Variants in RANBP9 observed in about 807,000 individuals in gnomAD.
RANBP9 encodes the protein ran-binding protein 9.
RANBP9 carries 15 observed loss-of-function variants against 84.3 expected under a neutral mutation model. The observed-to-expected ratio is 0.18, with a 90% CI of 0.12 to 0.27. The LOEUF (loss-of-function observed/expected upper bound fraction) is 0.27, where lower values mean the gene tolerates loss of function less well. RANBP9 is among the 10% of genes least tolerant of loss of function. The probability of loss-of-function intolerance (pLI) is 1.00; values close to 1 mark genes in which losing one functional copy is unlikely to be tolerated. For synonymous variants in RANBP9, 392 were observed against 349.6 expected (o/e 1.12, Z -1.35); for missense variants, 809 against 912.8 (o/e 0.89, Z 1.46).
intron 13 of RANBP9, 93 bp downstream of exon 13, chr6:13,625,560 T>C (rs1764578799): frequency 2.7e-6 from 2 of 748,682 alleles, no homozygotes; most frequent in African/African-American, 1.7e-5. Flanking sequence ...ATTTTCCTGA[T>C]GATTTTACCA....
At chr6:13,669,187 G>T (rs1452002481) in intron 2 of RANBP9, among the ~76,000 whole-genome samples, 1 of 151,926 alleles carries the variant, frequency 6.6e-6, no homozygotes, top group Admixed American at 6.6e-5. Context: ...TGTGAAATCT[G>T]AACACTAAAA....
chr6:13,630,146 G>A (rs11965022), intron 12 of RANBP9, among the ~76,000 whole-genome samples: 3,955 of 152,176 alleles, frequency 0.026, 153 homozygotes, highest in African/African-American at 0.088. Context: ...TGGGTCAGTT[G>A]CTCACCTTAT....
At chr6:13,668,211 T>C (rs1182462349) in intron 2 of RANBP9, among the ~76,000 whole-genome samples, 1 of 152,124 alleles carries the variant, frequency 6.6e-6, no homozygotes, top group Non-Finnish European at 1.5e-5. Flanking sequence ...GACAAATTCC[T>C]AGAAAGACAC....
chr6:13,707,542 T>A (rs1276184335), intron 1 of RANBP9, among the ~76,000 whole-genome samples: 1 of 152,228 alleles, frequency 6.6e-6, no homozygotes, highest in Non-Finnish European at 1.5e-5. Flanking sequence ...AAGTCTCATA[T>A]GAACTTAAAG....
intron 4 of RANBP9, among the ~76,000 whole-genome samples, chr6:13,655,106 T>TG (rs1765370185): frequency 6.6e-6 from 1 of 152,274 alleles, no homozygotes; most frequent in South Asian, 2.1e-4. Flanking sequence ...ACCACTGTTA[T>TG]ACCATCTCTC....
chr6:13,695,430 A>C (rs1015525317), intron 2 of RANBP9, among the ~76,000 whole-genome samples: 6 of 147,034 alleles, frequency 4.1e-5, no homozygotes, highest in African/African-American at 1.5e-4. Flanking sequence ...TTTTTTCAGA[A>C]AAAGATTTTA....
intron 5 of RANBP9, among the ~76,000 whole-genome samples, chr6:13,649,547 A>G (rs1765248454): frequency 6.6e-6 from 1 of 151,904 alleles, no homozygotes; most frequent in Non-Finnish European, 1.5e-5. Context: ...CTTAACTGTT[A>G]AAGACCAAAT....
chr6:13,684,409 G>A (rs1554226324), intron 2 of RANBP9, among the ~76,000 whole-genome samples: 1 of 152,072 alleles, frequency 6.6e-6, no homozygotes, highest in African/African-American at 2.4e-5. Context: ...TCCCTACCCA[G>A]CCTGAACTAA....
At chr6:13,637,682 G>T in intron 10 of RANBP9, 126 bp downstream of exon 10, 1 of 930,376 alleles carries the variant, frequency 1.1e-6, no homozygotes, top group Non-Finnish European at 1.5e-6. Flanking sequence ...TTTATTCTCT[G>T]GGGGCTTAAG....
intron 5 of RANBP9, among the ~76,000 whole-genome samples, chr6:13,651,774 C>T (rs4715455): frequency 0.39 from 59,030 of 151,834 alleles, 11,827 homozygotes; most frequent in Admixed American, 0.5. Context: ...TAAAAGTCCA[C>T]AATGTCTTTG....
chr6:13,634,305 T>C, intron 11 of RANBP9, 126 bp downstream of exon 11: 1 of 1,189,292 alleles, frequency 8.4e-7, no homozygotes. Flanking sequence ...TGCATTACTG[T>C]CAAGTCCTAC....
chr6:13,711,795 C>G lies in RANBP9; in HGVS notation c.-290G>C, dbSNP rs1301791380. 6.9e-6 allele frequency among the ~76,000 whole-genome samples: 1 copy of G among 145,830 alleles called. No homozygotes were observed. The highest frequency in any genetic ancestry group is 6.8e-5 in the Admixed American group (1 of 14,758). ...GACGCGGGAGCGCGGGAGGGGAAGG[C>G]GCGCTGGCGGCCGCCGCGGCCGCTG... On this transcript the variant is annotated 5_prime_UTR_variant, in exon 1 of 14. Coordinates refer to ENST00000011619, the MANE Select transcript of RANBP9 (RefSeq NM_005493.3).
Position 13,711,557 on chromosome 6 carries a change from T to C in RANBP9, c.-52A>G, listed in dbSNP as rs1758289141. ...CCTCCACCTCTTCTCTCCTTCCTCC[T>C]CTGCTTCCCGGGGGCGCTGTCGCTG... On this transcript the variant is annotated 5_prime_UTR_variant, in exon 1 of 14. Coordinates refer to ENST00000011619, the MANE Select transcript of RANBP9 (RefSeq NM_005493.3). 1 of 1,231,158 alleles carries C rather than the reference T, an allele frequency of 8.1e-7. No homozygotes were observed. Among genetic ancestry groups the C allele is most frequent in the African/African-American group, 1.6e-5 (1 of 63,694 alleles). The allele number at this position is 1,231,158 out of a possible 1,614,324, so 76.3% of individuals were successfully genotyped here.
At chr6:13,629,793 G>C (rs530365473) in intron 12 of RANBP9, among the ~76,000 whole-genome samples, 1 of 152,178 alleles carries the variant, frequency 6.6e-6, no homozygotes, top group Admixed American at 6.5e-5. Flanking sequence ...AAAGAGGAAA[G>C]AAGACTTTGA....
chr6:13,688,015 TGC>T (rs1766231067), intron 2 of RANBP9, among the ~76,000 whole-genome samples: 1 of 152,210 alleles, frequency 6.6e-6, no homozygotes, highest in Admixed American at 6.5e-5. Context: ...GACACGAGTT[TGC>T]TGTGCACCAG....
chr6:13,657,236 T>C lies in RANBP9; in HGVS notation c.777A>G (p.Gly259=), dbSNP rs1765421005. The C allele has an allele frequency of 6.2e-7, 1 of 1,613,496 alleles. No homozygotes were observed. The highest frequency in any genetic ancestry group is 8.5e-7 in the Non-Finnish European group (1 of 1,179,698). The change falls in exon 4 of 14, where the codon GGA becomes GGG. Residue 259 remains glycine (G), a synonymous_variant. Transcript: ENST00000011619. ...KHSYGYHGDD[G]HSFCSSGTGQ... ...CAGTTCCAGAAGAACAAAACGAATG[T>C]CCATCATCCCCATGGTAACCATATG...
intron 2 of RANBP9, among the ~76,000 whole-genome samples, chr6:13,696,087 G>A (rs926431152): frequency 1.1e-4 from 16 of 151,540 alleles, no homozygotes; most frequent in African/African-American, 3.9e-4. Context: ...CCAGGGATAG[G>A]CACCAAAATT....
intron 5 of RANBP9, among the ~76,000 whole-genome samples, chr6:13,647,903 T>C (rs1765208694): frequency 6.6e-6 from 1 of 152,108 alleles, no homozygotes; most frequent in Admixed American, 6.5e-5. Context: ...ATATTACAGA[T>C]TTTAAAAAAC....
At chr6:13,699,780 T>C (rs1035484421) in intron 1 of RANBP9, among the ~76,000 whole-genome samples, 4 of 152,114 alleles carry the variant, frequency 2.6e-5, no homozygotes, top group Non-Finnish European at 5.9e-5. Context: ...AAGAATCGCT[T>C]GAACTTGGGA....
Sources: allele counts gnomAD v4.1 joint callset (sites outside exome capture counted in the v4.1 genomes callset), GRCh38; gene constraint gnomAD v4.1.1; transcripts MANE v1.5; gene names NCBI Gene and HGNC (gene_info 2026-07-23, HGNC 2026-07-21).